USP33: variants seen among roughly 807,000 people sequenced by gnomAD.
USP33 encodes the protein ubiquitin carboxyl-terminal hydrolase 33.
A neutral mutation model predicts 124.2 loss-of-function variants in USP33; 46 were observed. That is an observed-to-expected ratio of 0.37 (90% CI 0.29 to 0.47). USP33 has a LOEUF of 0.47. Ranked by LOEUF, USP33 falls within the 20% of genes least tolerant of loss-of-function variation. USP33 has a pLI of 0.99. For synonymous variants in USP33, 350 were observed against 352.3 expected, an observed-to-expected ratio of 0.99 and a Z score of 0.07; for missense variants, 851 against 1,070.6, an observed-to-expected ratio of 0.79 and a Z score of 2.86.
intron 1 of USP33, among the ~76,000 whole-genome samples, chr1:77,752,399 A>G (rs1463087197): frequency 6.6e-6 from 1 of 152,132 alleles, no homozygotes; most frequent in East Asian, 1.9e-4. Flanking sequence ...TCGGCCTCCC[A>G]AAGTGCTGGG....
intron 9 of USP33, among the ~76,000 whole-genome samples, chr1:77,729,060 T>A (rs1029674197): frequency 6.6e-6 from 1 of 152,060 alleles, no homozygotes; most frequent in Non-Finnish European, 1.5e-5. Flanking sequence ...CCACCACACC[T>A]GGTTGATACA....
chr1:77,738,363 A>C (rs1191956222), intron 5 of USP33, among the ~76,000 whole-genome samples: 1 of 152,204 alleles, frequency 6.6e-6, no homozygotes, highest in Non-Finnish European at 1.5e-5. Context: ...AACTATTCTA[A>C]GTTAATTTCC....
intron 21 of USP33, among the ~76,000 whole-genome samples, chr1:77,702,940 TGTAA>T (rs1048799719): frequency 4.6e-5 from 7 of 152,164 alleles, no homozygotes; most frequent in South Asian, 2.1e-4. Context: ...TGTAGTAGTG[TGTAA>T]GTAATTGCCC....
intron 17 of USP33, among the ~76,000 whole-genome samples, chr1:77,716,969 G>A (rs534332378): frequency 2.0e-5 from 3 of 151,332 alleles, no homozygotes; most frequent in African/African-American, 4.9e-5. Context: ...AGGTTCAAGC[G>A]ATTCTCCTGT....
intron 1 of USP33, among the ~76,000 whole-genome samples, chr1:77,757,099 TTACAAA>T (rs1403269553): frequency 1.3e-5 from 2 of 152,244 alleles, no homozygotes; most frequent in African/African-American, 4.8e-5. Context: ...TCTGTTCACA[TTACAAA>T]TATCCTCCAA....
intron 1 of USP33, among the ~76,000 whole-genome samples, chr1:77,753,960 A>T (rs1461320463): frequency 6.6e-6 from 1 of 152,178 alleles, no homozygotes; most frequent in African/African-American, 2.4e-5. Flanking sequence ...AAGGCAAAAG[A>T]TGCCAGGACT....
At chr1:77,738,813 T>C (rs1462298659) in intron 5 of USP33, among the ~76,000 whole-genome samples, 1 of 152,174 alleles carries the variant, frequency 6.6e-6, no homozygotes, top group Non-Finnish European at 1.5e-5. Context: ...CAAAGACTGA[T>C]GCTAAGCTTT....
At chr1:77,757,147 T>C (rs920342433) in intron 1 of USP33, among the ~76,000 whole-genome samples, 1 of 152,234 alleles carries the variant, frequency 6.6e-6, no homozygotes, top group Non-Finnish European at 1.5e-5. Flanking sequence ...TCATCTCAAA[T>C]ACTACCTTCA....
Position 77,722,155 on chromosome 1 carries a change from T to C in USP33, c.1431A>G (p.Pro477=). Reference sequence around the variant, plus strand: ...TAGCAAGGTCTTCCTTGCCAGGAATTGGCAAGGACAGATCTTGAAAGGTCT... The same window carrying C: ...TAGCAAGGTCTTCCTTGCCAGGAATCGGCAAGGACAGATCTTGAAAGGTCT... ...TLETFQDLSL[P]IPGKEDLAKL... is the part of the protein sequence containing the mutation. Residue 477 remains proline (P), a synonymous_variant, in exon 13 of 24, where the codon CCA becomes CCG. Coordinates refer to ENST00000370794, the MANE Select transcript of USP33 (RefSeq NM_201624.3). 1.9e-6 allele frequency: 3 copies of C among 1,613,836 alleles called. No homozygotes were observed. Among genetic ancestry groups the C allele is most frequent in the Non-Finnish European group, 8.5e-7 (1 of 1,179,860 alleles).
chr1:77,710,782 C>A (rs562617766), intron 21 of USP33, among the ~76,000 whole-genome samples: 156 of 152,240 alleles, frequency 1.0e-3, no homozygotes, highest in Middle Eastern at 3.4e-3. Flanking sequence ...ATTACTCCTC[C>A]CCATAATAGT....
intron 1 of USP33, among the ~76,000 whole-genome samples, chr1:77,743,294 C>T (rs1679340004): frequency 6.6e-6 from 1 of 152,032 alleles, no homozygotes; most frequent in Non-Finnish European, 1.5e-5. Context: ...AATATTAACA[C>T]ATTAGTAAAT....
At chr1:77,710,976 C>T (rs1168923394) in intron 21 of USP33, among the ~76,000 whole-genome samples, 2 of 152,132 alleles carry the variant, frequency 1.3e-5, no homozygotes, top group African/African-American at 4.8e-5. Flanking sequence ...TATGACCACA[C>T]TTTCTGTTGC....
At chr1:77,708,504 A>G (rs1389040113) in intron 21 of USP33, among the ~76,000 whole-genome samples, 2 of 152,194 alleles carry the variant, frequency 1.3e-5, no homozygotes, top group African/African-American at 4.8e-5. Context: ...GGGTCCTGAT[A>G]GTAGCAGTAG....
chr1:77,704,752 A>G (rs1415802946), intron 21 of USP33, among the ~76,000 whole-genome samples: 1 of 152,120 alleles, frequency 6.6e-6, no homozygotes, highest in Non-Finnish European at 1.5e-5. Context: ...AATAGTATTT[A>G]TTTTGCCATT....
intron 21 of USP33, among the ~76,000 whole-genome samples, chr1:77,703,363 C>G (rs1160232440): frequency 3.9e-5 from 6 of 152,202 alleles, no homozygotes; most frequent in African/African-American, 1.4e-4. Flanking sequence ...CGCAGTGGCT[C>G]ACGCCTGTAA....
At chr1:77,709,969 C>T (rs1179101610) in intron 21 of USP33, among the ~76,000 whole-genome samples, 7 of 151,980 alleles carry the variant, frequency 4.6e-5, no homozygotes, top group African/African-American at 1.4e-4. Flanking sequence ...AACTCCAATC[C>T]AATAACAACA....
Position 77,696,762 on chromosome 1 carries a change from T to C in USP33, c.*555A>G, listed in dbSNP as rs1302568470. The C allele has an allele frequency of 6.6e-6, 1 of 152,254 alleles. No homozygotes were observed. Among genetic ancestry groups the C allele is most frequent in the Admixed American group, 6.5e-5 (1 of 15,274 alleles). The allele number at this position is 152,254 out of a possible 1,614,324, so 9.4% of individuals were successfully genotyped here. ...GTAAAGATTAAAGATAACCTACTGA[T>C]TTCACAATTGTCCCTCCTCTTTCAA... is the stretch of plus-strand genomic sequence containing the variant. On this transcript the variant is annotated 3_prime_UTR_variant, in exon 24 of 24. Transcript: ENST00000370794.
chr1:77,737,286 G>T (rs1432368106), intron 5 of USP33, among the ~76,000 whole-genome samples: 4 of 152,150 alleles, frequency 2.6e-5, no homozygotes, highest in Non-Finnish European at 5.9e-5. Flanking sequence ...AATTCCCAAC[G>T]ATTTTACTTT....
chr1:77,718,675 C>G lies in USP33; in HGVS notation c.1692-34G>C, dbSNP rs773923197. On this transcript the variant is annotated intron_variant, in intron 15 of 23. Transcript: ENST00000370794. ...AGAAAAGAGAAAATCAATTAGTCTACAAAAAAACTTAGTATATTTAAATTT... is the reference window on the plus strand; with the variant it reads ...AGAAAAGAGAAAATCAATTAGTCTAGAAAAAAACTTAGTATATTTAAATTT... 8 of 1,524,720 alleles carry G rather than the reference C, an allele frequency of 5.2e-6. No individual in the cohort carries two copies. The Admixed American group carries it at 9.1e-5, about 17-fold the overall frequency. The allele number at this position is 1,524,720 out of a possible 1,614,324, so 94.4% of individuals were successfully genotyped here. A position where few individuals can be genotyped will look rare whatever the true frequency, so the allele number is the denominator to read the frequency against.
Sources: allele counts gnomAD v4.1 joint callset (sites outside exome capture counted in the v4.1 genomes callset), GRCh38; gene constraint gnomAD v4.1.1; transcripts MANE v1.5; gene names NCBI Gene and HGNC (gene_info 2026-07-23, HGNC 2026-07-21).